CHLSN: variants seen among roughly 807,000 people sequenced by gnomAD.
CHLSN encodes protein cholesin.
At chr7:1,023,021 G>A in the CHLSN span, 4 of 458,756 alleles carry the variant, frequency 8.7e-6, no homozygotes, top group Admixed American at 2.3e-5. This position sits in a 1 kb window ranked among gnomAD's most constrained non-coding sequence, Gnocchi z 5.0. Flanking sequence ...GAGAGCGGCC[G>A]CCCCGCCCCT....
At chr7:1,009,123 C>A in the CHLSN span, among the ~76,000 whole-genome samples, 5 of 152,214 alleles carry the variant, frequency 3.3e-5, no homozygotes, top group African/African-American at 9.6e-5. Context: ...CACAGCCACA[C>A]TGGGGGTCAT....
At chr7:1,017,329 C>A in the CHLSN span, among the ~76,000 whole-genome samples, 5 of 151,898 alleles carry the variant, frequency 3.3e-5, no homozygotes, top group African/African-American at 9.7e-5. Context: ...CCCTGCTGTG[C>A]GGGTGAAGGG....
At chr7:988,263 G>C in the CHLSN span, 2 of 1,563,454 alleles carry the variant, frequency 1.3e-6, no homozygotes, top group Non-Finnish European at 1.7e-6. Flanking sequence ...TCTGTGCCCC[G>C]GCTGCCCCCA....
At chr7:1,006,150 C>G in the CHLSN span, among the ~76,000 whole-genome samples, 3,057 of 152,368 alleles carry the variant, frequency 0.02, 57 homozygotes, top group Non-Finnish European at 0.033. Flanking sequence ...CCCAGAGACC[C>G]ACAGAAAGTG....
chr7:1,093,947 A>G, the CHLSN span: 4 of 326,630 alleles, frequency 1.2e-5, 1 homozygote, highest in African/African-American at 8.6e-5. Context: ...TCACAAGGCC[A>G]GCCTCTGAGT....
At chr7:983,430 C>T in the CHLSN span, 27 of 1,401,456 alleles carry the variant, frequency 1.9e-5, no homozygotes, top group Admixed American at 7.4e-5. Context: ...GGACAGCTGC[C>T]GTGTCCTGGC....
At chr7:1,017,863 C>T in the CHLSN span, among the ~76,000 whole-genome samples, 1 of 152,242 alleles carries the variant, frequency 6.6e-6, no homozygotes, top group Admixed American at 6.5e-5. Flanking sequence ...CAAAACCACA[C>T]CCGCCTTGGT....
chr7:1,131,549 C>T, the CHLSN span, among the ~76,000 whole-genome samples: 1 of 152,324 alleles, frequency 6.6e-6, no homozygotes, highest in Non-Finnish European at 1.5e-5. Flanking sequence ...TTAATTGAGC[C>T]TTATCTTTAA....
At chr7:1,070,625 CACA>C in the CHLSN span, among the ~76,000 whole-genome samples, 17 of 146,684 alleles carry the variant, frequency 1.2e-4, no homozygotes, top group Non-Finnish European at 6.0e-5. Flanking sequence ...CACACACGCA[CACA>C]ACACGCACAC....
chr7:1,114,821 C>T, the CHLSN span, among the ~76,000 whole-genome samples: 3 of 152,242 alleles, frequency 2.0e-5, no homozygotes, highest in Admixed American at 6.5e-5. Context: ...TGAGGCCCCA[C>T]GGGGCAGGAG....
At chr7:1,023,916 C>T in the CHLSN span, among the ~76,000 whole-genome samples, 1 of 152,190 alleles carries the variant, frequency 6.6e-6, no homozygotes, top group Non-Finnish European at 1.5e-5. The surrounding 1 kb of genome is among the most constrained non-coding windows in gnomAD (Gnocchi z 5.0). Context: ...TCACAGTTTA[C>T]TGCAGCCTCG....
the CHLSN span, among the ~76,000 whole-genome samples, chr7:1,012,531 T>C: frequency 6.6e-6 from 1 of 152,242 alleles, no homozygotes; most frequent in African/African-American, 2.4e-5. Context: ...ACACCCACTC[T>C]TGCTTCTGGC....
the CHLSN span, among the ~76,000 whole-genome samples, chr7:999,745 T>G: frequency 6.6e-6 from 1 of 152,162 alleles, no homozygotes; most frequent in Non-Finnish European, 1.5e-5. Flanking sequence ...ACGCAAAGCC[T>G]GGCCTCTAGT....
chr7:1,050,804 G>A, the CHLSN span, among the ~76,000 whole-genome samples: 1 of 152,308 alleles, frequency 6.6e-6, no homozygotes, highest in East Asian at 1.9e-4. Context: ...CCAGAGACGG[G>A]CACACCGGAA....
At chr7:1,068,909 T>A in the CHLSN span, among the ~76,000 whole-genome samples, 1 of 152,148 alleles carries the variant, frequency 6.6e-6, no homozygotes, top group African/African-American at 2.4e-5. Flanking sequence ...GGGAAGACTG[T>A]GACCCCAGAG....
chr7:1,040,182 T>TAAAAAAAAA, the CHLSN span, among the ~76,000 whole-genome samples: 6 of 96,060 alleles, frequency 6.2e-5, 1 homozygote, highest in African/African-American at 2.0e-4. Context: ...AAAAATAAAT[T>TAAAAAAAAA]TAAAAAAAAA....
At chr7:1,017,388 G>C in the CHLSN span, among the ~76,000 whole-genome samples, 1,167 of 152,302 alleles carry the variant, frequency 7.7e-3, 22 homozygotes, top group African/African-American at 0.026. Context: ...CCTGCTGTGT[G>C]GGTGAAGGGG....
chr7:1,061,533 A>G, the CHLSN span, among the ~76,000 whole-genome samples: 1 of 152,064 alleles, frequency 6.6e-6, no homozygotes, highest in Admixed American at 6.6e-5. Context: ...GCTGCTTCCC[A>G]GGAGCTGCGT....
At chr7:1,017,932 A>G in the CHLSN span, among the ~76,000 whole-genome samples, 35 of 152,350 alleles carry the variant, frequency 2.3e-4, no homozygotes, top group East Asian at 6.6e-3. Context: ...TGTTCGGTGC[A>G]TTTTATTTTC....
Sources: allele counts gnomAD v4.1 joint callset (sites outside exome capture counted in the v4.1 genomes callset), GRCh38; gene constraint gnomAD v4.1.1; non-coding constraint Gnocchi (gnomAD v3.1); transcripts MANE v1.5; gene names NCBI Gene and HGNC (gene_info 2026-07-23, HGNC 2026-07-21).